The following PAG1 variants were observed in gnomAD, a reference collection of about 807,000 sequenced individuals.
PAG1 encodes phosphoprotein membrane anchor with glycosphingolipid microdomains 1, also known as phosphoprotein associated with glycosphingolipid-enriched microdomains 1.
Under a neutral mutation model 31.7 loss-of-function variants are expected in PAG1, and 23 were observed. The observed-to-expected ratio is 0.73, with a 90% CI of 0.52 to 1.03. The LOEUF (loss-of-function observed/expected upper bound fraction) is 1.03, where lower values mean the gene tolerates loss of function less well. Ranked by LOEUF, PAG1 falls within the 50% of genes least tolerant of loss-of-function variation. The pLI is 0.00. For synonymous variants in PAG1, 214 were observed against 210.3 expected, an observed-to-expected ratio of 1.02 and a Z score of -0.15; for missense variants, 473 against 540.7, an observed-to-expected ratio of 0.87 and a Z score of 1.24.
chr8:81,027,458 A>G (rs1388955003), intron 3 of PAG1, among the ~76,000 whole-genome samples: 1 of 152,254 alleles, frequency 6.6e-6, no homozygotes, highest in Non-Finnish European at 1.5e-5. Flanking sequence ...CTTTTGTTAC[A>G]TAAGATTAAC....
intron 1 of PAG1, among the ~76,000 whole-genome samples, chr8:81,075,250 G>A (rs1011279674): frequency 6.6e-5 from 10 of 152,224 alleles, no homozygotes; most frequent in African/African-American, 2.4e-4. Flanking sequence ...AATAGTCAGG[G>A]TTTTGTATCT....
chr8:81,086,042 C>T (rs1237155487), intron 1 of PAG1, among the ~76,000 whole-genome samples: 22 of 112,964 alleles, frequency 1.9e-4, no homozygotes, highest in East Asian at 3.0e-4. Context: ...AGTGCAGTGG[C>T]GCGATCTCGG....
At chr8:81,089,216 G>C (rs1227181654) in intron 1 of PAG1, among the ~76,000 whole-genome samples, 1 of 152,132 alleles carries the variant, frequency 6.6e-6, no homozygotes, top group Non-Finnish European at 1.5e-5. Context: ...CAAATACAGG[G>C]GGCACTGTGG....
At chr8:81,041,552 T>G (rs959535616) in intron 2 of PAG1, among the ~76,000 whole-genome samples, 6 of 152,204 alleles carry the variant, frequency 3.9e-5, no homozygotes, top group Non-Finnish European at 4.4e-5. Context: ...AGCTCTTTGA[T>G]GACTTTGCGG....
At chr8:81,063,811 C>A (rs1333875927) in intron 2 of PAG1, among the ~76,000 whole-genome samples, 1 of 152,114 alleles carries the variant, frequency 6.6e-6, no homozygotes, top group Non-Finnish European at 1.5e-5. Context: ...TGGGTAGCCA[C>A]ATGACAAGCA....
chr8:81,060,699 A>G (rs770038834), intron 2 of PAG1, among the ~76,000 whole-genome samples: 2 of 152,240 alleles, frequency 1.3e-5, no homozygotes, highest in Non-Finnish European at 2.9e-5. Context: ...TTGAAAATCA[A>G]TGAGCAGGAG....
intron 7 of PAG1, among the ~76,000 whole-genome samples, chr8:80,982,421 G>A (rs949333493): frequency 2.0e-5 from 3 of 152,056 alleles, no homozygotes; most frequent in Admixed American, 2.0e-4. Flanking sequence ...CAACTTTCCT[G>A]TTTTTGTTTC....
chr8:81,060,452 A>C (rs1808899741), intron 2 of PAG1, among the ~76,000 whole-genome samples: 1 of 152,204 alleles, frequency 6.6e-6, no homozygotes, highest in African/African-American at 2.4e-5. Flanking sequence ...AAATTAAAGG[A>C]CTGAGAATTC....
At chr8:80,993,480 G>A (rs1277245049) in intron 3 of PAG1, among the ~76,000 whole-genome samples, 173 bp from the exon 4 acceptor site, 1 of 152,152 alleles carries the variant, frequency 6.6e-6, no homozygotes, top group African/African-American at 2.4e-5. Context: ...TCCCCTCCAT[G>A]GTCTAGGTCT....
intron 3 of PAG1, among the ~76,000 whole-genome samples, chr8:80,998,882 T>G (rs1009900145): frequency 3.3e-5 from 5 of 152,192 alleles, no homozygotes; most frequent in African/African-American, 9.6e-5. Flanking sequence ...CCCCTCACTG[T>G]TGGATGAAAT....
chr8:80,982,499 T>G (rs1353679973), intron 7 of PAG1, among the ~76,000 whole-genome samples: 1 of 152,204 alleles, frequency 6.6e-6, no homozygotes, highest in African/African-American at 2.4e-5. Context: ...AGGCTCTATT[T>G]ACACTCACCT....
intron 3 of PAG1, among the ~76,000 whole-genome samples, chr8:81,023,218 A>G (rs1808218353): frequency 2.0e-5 from 3 of 152,154 alleles, no homozygotes; most frequent in South Asian, 4.1e-4. Context: ...TTTCTTATTT[A>G]ACAGTGATGT....
chr8:81,111,204 G>GC (rs1165208329), intron 1 of PAG1, among the ~76,000 whole-genome samples: 1 of 152,160 alleles, frequency 6.6e-6, no homozygotes, highest in Non-Finnish European at 1.5e-5. Flanking sequence ...GAAATGGCTC[G>GC]CCCAAAGATC....
chr8:81,063,843 C>G (rs552515051), intron 2 of PAG1, among the ~76,000 whole-genome samples: 78 of 152,220 alleles, frequency 5.1e-4, no homozygotes, highest in Non-Finnish European at 9.4e-4. Context: ...CATTAGACCC[C>G]CAGACCCAAG....
At chr8:80,992,222 T>C (rs1586149672) in intron 4 of PAG1, among the ~76,000 whole-genome samples, 1 of 152,208 alleles carries the variant, frequency 6.6e-6, no homozygotes, top group Non-Finnish European at 1.5e-5. Context: ...TCAGACTCTG[T>C]CCCAGCCACA....
chr8:81,014,167 TAG>T (rs1207785677), intron 3 of PAG1, among the ~76,000 whole-genome samples: 1 of 152,180 alleles, frequency 6.6e-6, no homozygotes, highest in Non-Finnish European at 1.5e-5. Flanking sequence ...TATGTGTAAA[TAG>T]AGTCATCAAA....
In PAG1 at chr8:80,973,926, T is replaced by C. The variant is rs1453296236; in HGVS notation, c.*2618A>G. On this transcript the variant is annotated 3_prime_UTR_variant, in exon 9 of 9. Transcript: ENST00000220597. ...CCAGCCCTCATGGCCTGTGCTACCA[T>C]CTATTCTTTTAGCGTTTATGCTGGA... is the stretch of plus-strand genomic sequence containing the variant. The C allele has an allele frequency of 6.6e-6, 1 of 152,212 alleles. No individual in the cohort carries two copies. Among genetic ancestry groups the C allele is most frequent in the Admixed American group, 6.5e-5 (1 of 15,278 alleles). 9.4% of individuals were successfully genotyped at this position (152,212 alleles called of 1,614,324 possible). A position where few individuals can be genotyped will look rare whatever the true frequency, so the allele number is the denominator to read the frequency against.
intron 2 of PAG1, among the ~76,000 whole-genome samples, chr8:81,043,674 T>C (rs1341397870): frequency 1.3e-5 from 2 of 152,254 alleles, no homozygotes; most frequent in African/African-American, 4.8e-5. Context: ...CCTGCATATA[T>C]ATCTCAGCAC....
chr8:81,056,484 T>G (rs1359801615), intron 2 of PAG1, among the ~76,000 whole-genome samples: 2 of 152,132 alleles, frequency 1.3e-5, no homozygotes, highest in East Asian at 3.8e-4. Flanking sequence ...ATTCCCTATT[T>G]AATAAATGGT....
Sources: gnomAD v4.1 joint callset for allele counts (sites outside exome capture counted in the v4.1 genomes callset) on GRCh38, gnomAD v4.1.1 for gene constraint, MANE v1.5 for transcripts, NCBI Gene and HGNC (gene_info 2026-07-23, HGNC 2026-07-21) for gene names.